Variants in ZNG1B observed in about 807,000 individuals in gnomAD.
ZNG1B encodes Zn regulated GTPase metalloprotein activator 1B.
the ZNG1B span, among the ~76,000 whole-genome samples, chr2:113,459,635 G>A: frequency 1.4e-5 from 2 of 147,848 alleles, no homozygotes; most frequent in Non-Finnish European, 1.5e-5. Flanking sequence ...AATGAAAATA[G>A]CCATCTCCCA....
the ZNG1B span, among the ~76,000 whole-genome samples, chr2:113,461,486 A>G: frequency 2.6e-5 from 4 of 152,110 alleles, no homozygotes; most frequent in African/African-American, 7.2e-5. Flanking sequence ...TGTGATGTAC[A>G]TACTGTTGAA....
the ZNG1B span, chr2:113,438,877 T>C: frequency 9.3e-6 from 8 of 859,424 alleles, no homozygotes; most frequent in Admixed American, 1.4e-4. Context: ...AGGTACAGAC[T>C]TGGGCCACTT....
At chr2:113,445,563 A>C in the ZNG1B span, 3 of 151,230 alleles carry the variant, frequency 2.0e-5, no homozygotes, top group African/African-American at 7.4e-5. Context: ...GTAAGTAGTT[A>C]TTACACTGCA....
At chr2:113,475,698 C>G in the ZNG1B span, among the ~76,000 whole-genome samples, 9 of 152,146 alleles carry the variant, frequency 5.9e-5, no homozygotes. Context: ...GTGACAAAAT[C>G]TCTCAGCATT....
the ZNG1B span, among the ~76,000 whole-genome samples, chr2:113,442,824 AGAACTTCACC>A: frequency 5.9e-5 from 9 of 152,216 alleles, no homozygotes; most frequent in Admixed American, 2.0e-4. Flanking sequence ...GTGGGCTTTT[AGAACTTCACC>A]GTTTGGTATA....
chr2:113,486,599 A>G, the ZNG1B span, among the ~76,000 whole-genome samples: 12 of 152,064 alleles, frequency 7.9e-5, no homozygotes, highest in African/African-American at 1.7e-4. Context: ...TGCAAAAAAT[A>G]CAAAAAATTA....
chr2:113,444,551 C>G, the ZNG1B span, among the ~76,000 whole-genome samples: 1 of 151,722 alleles, frequency 6.6e-6, no homozygotes, highest in Non-Finnish European at 1.5e-5. Flanking sequence ...AAATTAAAAC[C>G]TTGCATCCTA....
chr2:113,443,506 A>G, the ZNG1B span, among the ~76,000 whole-genome samples: 3 of 150,202 alleles, frequency 2.0e-5, no homozygotes, highest in Admixed American at 2.0e-4. Flanking sequence ...GGGGGTGGCC[A>G]AGTAAGAGGC....
At chr2:113,473,200 A>G in the ZNG1B span, among the ~76,000 whole-genome samples, 1 of 151,940 alleles carries the variant, frequency 6.6e-6, no homozygotes, top group Admixed American at 6.6e-5. Context: ...GAGGTCCTTC[A>G]CATCCCTTGT....
At chr2:113,441,138 G>A in the ZNG1B span, among the ~76,000 whole-genome samples, 1 of 152,124 alleles carries the variant, frequency 6.6e-6, no homozygotes, top group Non-Finnish European at 1.5e-5. Context: ...TTGTAGGAGT[G>A]TTTGTAAATA....
the ZNG1B span, among the ~76,000 whole-genome samples, chr2:113,489,457 C>T: frequency 2.0e-5 from 3 of 151,766 alleles, no homozygotes; most frequent in Non-Finnish European, 2.9e-5. Context: ...CAACAAAAAC[C>T]AGAAAAACAA....
chr2:113,481,037 A>G, the ZNG1B span, among the ~76,000 whole-genome samples: 1 of 151,614 alleles, frequency 6.6e-6, no homozygotes, highest in African/African-American at 2.4e-5. Context: ...AATCGAGGCC[A>G]TGAAATTCTG....
chr2:113,484,234 G>A, the ZNG1B span, among the ~76,000 whole-genome samples: 20 of 143,984 alleles, frequency 1.4e-4, no homozygotes, highest in South Asian at 4.2e-3. Flanking sequence ...AGCATAATTA[G>A]ATAAAACAGT....
chr2:113,449,983 G>A, the ZNG1B span, among the ~76,000 whole-genome samples: 1 of 148,882 alleles, frequency 6.7e-6, no homozygotes, highest in Admixed American at 6.7e-5. Flanking sequence ...TTAGAACTTT[G>A]TGGTCACTGT....
At chr2:113,460,488 A>G in the ZNG1B span, among the ~76,000 whole-genome samples, 1 of 152,114 alleles carries the variant, frequency 6.6e-6, no homozygotes, top group East Asian at 1.9e-4. Context: ...GTAGAAAAAA[A>G]TTGCAAATGG....
chr2:113,487,509 T>C, the ZNG1B span, among the ~76,000 whole-genome samples: 1 of 152,022 alleles, frequency 6.6e-6, no homozygotes, highest in African/African-American at 2.4e-5. Flanking sequence ...ACTAAAATTA[T>C]ACCCATTGAA....
the ZNG1B span, chr2:113,471,228 T>C: frequency 2.9e-6 from 4 of 1,390,082 alleles, no homozygotes; most frequent in Middle Eastern, 2.5e-4. Flanking sequence ...CTTAATGAGG[T>C]ATATTCTTGG....
the ZNG1B span, chr2:113,445,285 T>C: frequency 6.2e-4 from 306 of 493,266 alleles, 3 homozygotes; most frequent in East Asian, 9.7e-3. Context: ...TGAAGTTTTA[T>C]TGATTGACTT....
chr2:113,492,082 A>G, the ZNG1B span, among the ~76,000 whole-genome samples: 1 of 138,358 alleles, frequency 7.2e-6, no homozygotes, highest in Non-Finnish European at 1.6e-5. Context: ...CAGTGTGGAG[A>G]TTCCTTAAAG....
Sources: gnomAD v4.1 joint callset for allele counts (sites outside exome capture counted in the v4.1 genomes callset) on GRCh38, gnomAD v4.1.1 for gene constraint, MANE v1.5 for transcripts, NCBI Gene and HGNC (gene_info 2026-07-23, HGNC 2026-07-21) for gene names.